ADAP1: variants seen among roughly 807,000 people sequenced by gnomAD.
ADAP1 encodes ArfGAP with dual PH domains 1.
In ADAP1, 31 loss-of-function variants were observed where a neutral mutation model predicts 54.9. That is an observed-to-expected ratio of 0.56 (90% CI 0.42 to 0.76). The LOEUF (loss-of-function observed/expected upper bound fraction) is 0.76. ADAP1 is among the 30% of genes least tolerant of loss of function. ADAP1 has a pLI of 0.00. For missense variants in ADAP1, 535 were observed against 512.4 expected, an observed-to-expected ratio of 1.04 and a Z score of -0.42; for synonymous variants, 313 against 202.6, an observed-to-expected ratio of 1.55 and a Z score of -4.63.
At chr7:905,439 GGGAGAAAGGGAGAAAGGGAAAGGAGAAA>G (rs1562911839) in intron 4 of ADAP1, 7 of 76,486 alleles carry the variant, frequency 9.2e-5, no homozygotes, top group Admixed American at 3.1e-4. Flanking sequence ...AAAGGAGAAA[GGGAGAAAGGGAGAAAGGGAAAGGAGAAA>G]GGAGAAAGGG....
intron 3 of ADAP1, among the ~76,000 whole-genome samples, chr7:922,352 C>A (rs749216639): frequency 6.6e-6 from 1 of 152,186 alleles, no homozygotes; most frequent in Non-Finnish European, 1.5e-5. Flanking sequence ...GTCCCCTCAA[C>A]GCAGAGCAAA....
chr7:931,997 C>A (rs1846597010), intron 2 of ADAP1, among the ~76,000 whole-genome samples: 1 of 152,316 alleles, frequency 6.6e-6, no homozygotes, highest in East Asian at 1.9e-4. Context: ...AGTGCAGCTC[C>A]CGCCCCACAG....
At chr7:906,001 A>G (rs1274103643) in intron 4 of ADAP1, among the ~76,000 whole-genome samples, 4 of 110,172 alleles carry the variant, frequency 3.6e-5, no homozygotes, top group African/African-American at 9.0e-5. Flanking sequence ...GAAAGGAGAA[A>G]GGAGAAAGGA....
upstream of ADAP1, chr7:955,377 A>G: frequency 1.3e-6 from 2 of 1,550,298 alleles, no homozygotes; most frequent in Non-Finnish European, 1.7e-6. Context: ...GGGTTAATGC[A>G]GTACACCCGG....
intron 2 of ADAP1, among the ~76,000 whole-genome samples, chr7:930,647 C>G (rs938344400): frequency 4.0e-5 from 6 of 151,624 alleles, no homozygotes; most frequent in African/African-American, 1.5e-4. Context: ...GGCAAAACCC[C>G]GTCTCTATTA....
Position 931,746 on chromosome 7 carries a change from G to C in ADAP1, c.213+3629C>G, listed in dbSNP as rs544797205. Among the ~76,000 whole-genome samples the C allele has an allele frequency of 1.6e-3, 242 of 147,128 alleles. 1 individual carries two copies. Among genetic ancestry groups the C allele is most frequent in the African/African-American group, 6.0e-3 (236 of 39,614 alleles). ...CTCTAGGAAGCAGTTGTTTTAAAAG[G>C]TATTATCAAGGAATAGAAAGTAGGG... On this transcript the variant is annotated intron_variant, in intron 2 of 10. Transcript: ENST00000265846.
intron 4 of ADAP1, among the ~76,000 whole-genome samples, chr7:918,151 C>T (rs887525284): frequency 6.6e-6 from 1 of 152,182 alleles, no homozygotes; most frequent in Admixed American, 6.5e-5. Flanking sequence ...TGGCCTCAAA[C>T]TGCTGACTGC....
At chr7:935,633 A>C in intron 1 of ADAP1, 128 bp from the exon 2 acceptor site, 2 of 1,249,866 alleles carry the variant, frequency 1.6e-6, no homozygotes, top group Non-Finnish European at 2.2e-6. Flanking sequence ...CCCCGGGTAC[A>C]CCAGGCTCCG....
chr7:947,081 T>G (rs1847159102), intron 1 of ADAP1, among the ~76,000 whole-genome samples: 1 of 152,050 alleles, frequency 6.6e-6, no homozygotes, highest in African/African-American at 2.4e-5. Context: ...TCTCTGTCAC[T>G]CAGGCTGGAG....
intron 3 of ADAP1, among the ~76,000 whole-genome samples, chr7:921,347 G>T (rs1846185099): frequency 6.6e-6 from 1 of 152,174 alleles, no homozygotes; most frequent in Non-Finnish European, 1.5e-5. Flanking sequence ...TTAGAGACAG[G>T]GTCTCACTGT....
At chr7:922,273 G>A (rs1312697790) in intron 3 of ADAP1, among the ~76,000 whole-genome samples, 2 of 152,126 alleles carry the variant, frequency 1.3e-5, no homozygotes, top group East Asian at 3.9e-4. Context: ...AAGTTCCAGG[G>A]CTCAGGGGAG....
rs1362807167 is a variant in ADAP1, at chr7:938,027, ACC to A, written c.83-2524_83-2523del. The stretch of plus-strand genomic sequence containing the variant: ...GAGAGAGACCACAGGCTTTCTCCTC[ACC>A]CCTCAGTCAGTCAAACATTTGCCCA... On this transcript the variant is annotated intron_variant, in intron 1 of 10. Coordinates refer to ENST00000265846, the MANE Select transcript of ADAP1 (RefSeq NM_006869.4). The surrounding 1 kb of genome is among the most constrained non-coding windows in gnomAD (Gnocchi z 4.4). 6.6e-6 allele frequency among the ~76,000 whole-genome samples: 1 copy of A among 152,074 alleles called. No homozygotes were observed. The highest frequency in any genetic ancestry group is 2.4e-5 in the African/African-American group (1 of 41,394).
At position 946,204 on chromosome 7, in the gene ADAP1, G is replaced by C. The variant is rs7811408; in HGVS notation, c.82+8192C>G. ...CTCCAACTCCACCTCCGTGTTTTCC[G>C]CATATTGTCTCCCAGTTACCCGTGG... On this transcript the variant is annotated intron_variant, in intron 1 of 10. Transcript: ENST00000265846. This position sits in a 1 kb window ranked among gnomAD's most constrained non-coding sequence, Gnocchi z 4.3. Among the ~76,000 whole-genome samples the C allele has an allele frequency of 6.6e-6, 1 of 151,934 alleles. No individual in the cohort carries two copies. The highest frequency in any genetic ancestry group is 1.9e-4 in the East Asian group (1 of 5,136).
intron 2 of ADAP1, chr7:927,439 A>G (rs1846428580): frequency 4.2e-6 from 2 of 479,176 alleles, no homozygotes; most frequent in Middle Eastern, 3.2e-4. Flanking sequence ...TCTGCTTGCT[A>G]TGCTGTAAGC....
At chr7:904,554 C>T (rs75483129) in intron 5 of ADAP1, among the ~76,000 whole-genome samples, 1,630 of 152,294 alleles carry the variant, frequency 0.011, 22 homozygotes, top group East Asian at 0.062. Context: ...CCACACGGCA[C>T]GGCAGCTCCC....
intron 4 of ADAP1, among the ~76,000 whole-genome samples, chr7:907,404 G>A (rs1018635737): frequency 2.0e-5 from 3 of 152,164 alleles, no homozygotes; most frequent in African/African-American, 7.2e-5. Context: ...GGAGAGGCCA[G>A]AGGACCCGTC....
intron 4 of ADAP1, among the ~76,000 whole-genome samples, chr7:907,266 C>T (rs753897001): frequency 1.2e-4 from 19 of 152,102 alleles, no homozygotes; most frequent in Non-Finnish European, 2.1e-4. Flanking sequence ...ACACCGTGCA[C>T]GGGTGGTTAG....
At chr7:950,098 T>A (rs1185696267) in intron 1 of ADAP1, among the ~76,000 whole-genome samples, 1 of 152,224 alleles carries the variant, frequency 6.6e-6, no homozygotes, top group African/African-American at 2.4e-5. Context: ...ACACAGGGTA[T>A]GATCCTGTCT....
At chr7:949,203 C>T (rs1847211116) in intron 1 of ADAP1, among the ~76,000 whole-genome samples, 1 of 152,246 alleles carries the variant, frequency 6.6e-6, no homozygotes, top group South Asian at 2.1e-4. Context: ...CCGCCGGAGT[C>T]CAGGGTAGGG....
Sources: allele counts gnomAD v4.1 joint callset (sites outside exome capture counted in the v4.1 genomes callset), GRCh38; gene constraint gnomAD v4.1.1; non-coding constraint Gnocchi (gnomAD v3.1); transcripts MANE v1.5; gene names NCBI Gene and HGNC (gene_info 2026-07-23, HGNC 2026-07-21).